Variants in ABCC8 observed in about 807,000 individuals in gnomAD.
ABCC8 encodes ATP-binding cassette sub-family C member 8.
ABCC8 carries 137 observed loss-of-function variants against 188.0 expected under a neutral mutation model. The observed-to-expected ratio is 0.73, with a 90% CI of 0.63 to 0.84. The LOEUF is 0.84. ABCC8 is among the 40% of genes least tolerant of loss of function. The pLI is 0.00. For missense variants in ABCC8, 1,750 were observed against 2,072.7 expected (o/e 0.84, Z 3.02); for synonymous variants, 797 against 846.5 (o/e 0.94, Z 1.01).
intron 10 of ABCC8, chr11:17,432,448 G>A (rs1955891380): frequency 9.0e-6 from 10 of 1,108,034 alleles, no homozygotes; most frequent in African/African-American, 4.7e-5. Context: ...CAGGTACCCC[G>A]GCCCCCGACT....
At chr11:17,407,667 A>ACTCTTCCC (rs1954609641) in intron 23 of ABCC8, among the ~76,000 whole-genome samples, 2 of 151,460 alleles carry the variant, frequency 1.3e-5, no homozygotes, top group South Asian at 4.2e-4. Flanking sequence ...GTGGGGAACC[A>ACTCTTCCC]CTCTTCCCCT....
At chr11:17,435,182 C>A (rs1157554322) in intron 10 of ABCC8, among the ~76,000 whole-genome samples, 2 of 152,168 alleles carry the variant, frequency 1.3e-5, no homozygotes, top group Non-Finnish European at 2.9e-5. Flanking sequence ...CCTCCACCCC[C>A]GCCTCTCTTC....
chr11:17,456,642 T>G (rs2133657685), intron 6 of ABCC8, among the ~76,000 whole-genome samples: 1 of 152,326 alleles, frequency 6.6e-6, no homozygotes, highest in South Asian at 2.1e-4. Flanking sequence ...CAAGACTGTT[T>G]GACACGGTGG....
chr11:17,460,601 C>T lies in ABCC8; in HGVS notation c.898G>A (p.Val300Ile), dbSNP rs767899868. 3 of 1,613,392 alleles carry T rather than the reference C, an allele frequency of 1.9e-6. No homozygotes were observed. Among genetic ancestry groups the T allele is most frequent in the Non-Finnish European group, 2.5e-6 (3 of 1,180,046 alleles). ...AAGATGCGGAAAGTGCTGCTGAGGA[C>T]CAGGCGCCTCCCGAAGGCATGGCTG... ...ALSHAFGRRL[V>I]LSSTFRILAD... The change falls in exon 6 of 39, where the codon GTC becomes ATC. Residue 300 changes from valine to isoleucine, a missense_variant. Transcript: ENST00000389817.
At position 17,408,466 on chromosome 11, in the gene ABCC8, A is replaced by G; in HGVS notation, c.2746T>C (p.Phe916Leu). 1 of 1,613,884 alleles carries G rather than the reference A, an allele frequency of 6.2e-7. No individual in the cohort carries two copies. Among genetic ancestry groups the G allele is most frequent in the Non-Finnish European group, 8.5e-7 (1 of 1,180,026 alleles). ...TIQREGTLKD[F>L]QRSECQLFEH... Reference sequence around the variant, plus strand: ...AAGAGCTGGCATTCAGACCTCTGGAAGTCCTTGAGGGTACCCTCCCTCTGG... The same window carrying G: ...AAGAGCTGGCATTCAGACCTCTGGAGGTCCTTGAGGGTACCCTCCCTCTGG... Residue 916 changes from phenylalanine to leucine, a missense_variant, in exon 23 of 39, where the codon TTC becomes CTC. Coordinates refer to ENST00000389817, the MANE Select transcript of ABCC8 (RefSeq NM_000352.6).
At chr11:17,473,861 C>A (rs978822539) in intron 2 of ABCC8, among the ~76,000 whole-genome samples, 1 of 152,160 alleles carries the variant, frequency 6.6e-6, no homozygotes, top group Non-Finnish European at 1.5e-5. Flanking sequence ...AACTGCTGAC[C>A]AAATCCGACC....
chr11:17,397,179 C>T lies in ABCC8; in HGVS notation c.3988+14G>A, dbSNP rs770990642. 17 of 1,613,460 alleles carry T rather than the reference C, an allele frequency of 1.1e-5. No homozygotes were observed. Among genetic ancestry groups the T allele is most frequent in the Non-Finnish European group, 1.4e-5 (16 of 1,180,014 alleles). On this transcript the variant is annotated intron_variant, in intron 32 of 38. Coordinates refer to ENST00000389817, the MANE Select transcript of ABCC8 (RefSeq NM_000352.6). Reference sequence around the variant, plus strand: ...CCTTGGACTCTTCCCCACCCCTCTCCCTGAGCCTCTCACCCAGGAGCCCCT... The same window carrying T: ...CCTTGGACTCTTCCCCACCCCTCTCTCTGAGCCTCTCACCCAGGAGCCCCT...
At chr11:17,428,476 G>GA in intron 13 of ABCC8, 71 bp from the exon 14 acceptor site, 5 of 1,601,660 alleles carry the variant, frequency 3.1e-6, no homozygotes, top group East Asian at 2.2e-5. Flanking sequence ...CTCTTCCTGG[G>GA]AAAAAAGGCA....
At chr11:17,425,761 A>G (rs1955551600) in intron 16 of ABCC8, among the ~76,000 whole-genome samples, 1 of 152,130 alleles carries the variant, frequency 6.6e-6, no homozygotes. Context: ...AGGTATACAC[A>G]TGCCATGGTG....
At chr11:17,438,867 G>A (rs1956206281) in intron 10 of ABCC8, among the ~76,000 whole-genome samples, 1 of 152,214 alleles carries the variant, frequency 6.6e-6, no homozygotes, top group South Asian at 2.1e-4. Flanking sequence ...CTGAGAGTCA[G>A]TCCTCTCTGC....
chr11:17,395,706 A>G lies in ABCC8; in HGVS notation c.4211T>C (p.Ile1404Thr). ...MVDTFEGHII[I>T]DGIDIAKLPL... ...CAGTTTGGCGATGTCAATGCCATCA[A>G]TGATGATGTGCCCTGCATGGGTCCC... Residue 1404 changes from isoleucine to threonine, a missense_variant, in exon 35 of 39, where the codon ATT becomes ACT. Ile to Thr is a moderately conservative substitution (Grantham distance 89). Transcript: ENST00000389817. 6.4e-7 allele frequency: 1 copy of G among 1,555,294 alleles called. No homozygotes were observed. The highest frequency in any genetic ancestry group is 8.7e-7 in the Non-Finnish European group (1 of 1,148,922).
chr11:17,415,266 A>G, intron 18 of ABCC8, 38 bp downstream of exon 18: 3 of 1,595,528 alleles, frequency 1.9e-6, no homozygotes, highest in Middle Eastern at 1.7e-4. Context: ...CCCTGGAGGG[A>G]GTTGACCCTG....
rs1404390064 is a variant in ABCC8 at position 17,467,087 on chromosome 11, A to ACACACACACAC, written c.412+3013_412+3014insGTGTGTGTGTG. On this transcript the variant is annotated intron_variant, in intron 3 of 38. Transcript: ENST00000389817. ...ACACACACACACACACACACACACA[A>ACACACACACAC]CTTCCCATTGCTGTTGGGATAAAGG... 7.3e-5 allele frequency among the ~76,000 whole-genome samples: 3 copies of ACACACACACAC among 41,320 alleles called. 1 individual carries two copies. The East Asian group carries it at 2.8e-3, about 39-fold the overall frequency. 27.1% of individuals were successfully genotyped at this position (41,320 alleles called of 152,430 possible). A position where few individuals can be genotyped will look rare whatever the true frequency, so the allele number is the denominator to read the frequency against.
At chr11:17,412,891 C>G in intron 20 of ABCC8, 145 bp from the exon 21 acceptor site, 1 of 1,498,992 alleles carries the variant, frequency 6.7e-7, no homozygotes, top group South Asian at 1.3e-5. Context: ...AGAGAAGGAA[C>G]TTGCACGTGT....
intron 2 of ABCC8, 136 bp from the exon 3 acceptor site, chr11:17,470,358 AT>A: frequency 6.8e-7 from 1 of 1,475,808 alleles, no homozygotes; most frequent in South Asian, 1.2e-5. Context: ...CCTTTAGTTA[AT>A]GGGCGTATTT....
At chr11:17,400,778 C>T (rs1448176272) in intron 29 of ABCC8, among the ~76,000 whole-genome samples, 1 of 152,218 alleles carries the variant, frequency 6.6e-6, no homozygotes, top group African/African-American at 2.4e-5. Context: ...GCTTCTGCAT[C>T]TGGAGAATGT....
At chr11:17,456,026 C>T (rs1956982719) in intron 6 of ABCC8, among the ~76,000 whole-genome samples, 1 of 151,250 alleles carries the variant, frequency 6.6e-6, no homozygotes, top group South Asian at 2.1e-4. Flanking sequence ...CTGTTGGAGT[C>T]TACCGAGAAG....
chr11:17,419,144 A>G (rs909787886), intron 16 of ABCC8, among the ~76,000 whole-genome samples: 1 of 152,162 alleles, frequency 6.6e-6, no homozygotes, highest in Non-Finnish European at 1.5e-5. Context: ...CAAACTTTGT[A>G]TCTGTTTTAA....
intron 26 of ABCC8, among the ~76,000 whole-genome samples, chr11:17,406,270 G>C (rs747577123): frequency 6.6e-6 from 1 of 152,154 alleles, no homozygotes. Context: ...CTGAGGGAGA[G>C]AGAGTGAGGG....
Sources: gnomAD v4.1 joint callset for allele counts (sites outside exome capture counted in the v4.1 genomes callset) on GRCh38, gnomAD v4.1.1 for gene constraint, MANE v1.5 for transcripts, NCBI Gene and HGNC (gene_info 2026-07-23, HGNC 2026-07-21) for gene names.